Variants in MAML2 observed in about 807,000 individuals in gnomAD.
The protein encoded by MAML2 is mastermind like transcriptional coactivator 2, also known as mastermind-like protein 2.
A neutral mutation model predicts 96.1 loss-of-function variants in MAML2; 22 were observed. The observed-to-expected ratio is 0.23, with a 90% CI of 0.16 to 0.33. The LOEUF is 0.33. Ranked by LOEUF, MAML2 falls within the 10% of genes least tolerant of loss-of-function variation. MAML2 has a pLI of 1.00. For synonymous variants in MAML2, 561 were observed against 521.3 expected (o/e 1.08, Z -1.04); for missense variants, 1,367 against 1,392.4 (o/e 0.98, Z 0.29).
chr11:96,162,871 TA>T (rs1304944238), intron 1 of MAML2, among the ~76,000 whole-genome samples: 1 of 152,204 alleles, frequency 6.6e-6, no homozygotes, highest in Non-Finnish European at 1.5e-5. Context: ...ATAGTTTGAT[TA>T]AATGACCATC....
chr11:96,060,118 C>T (rs1242686444), intron 2 of MAML2, among the ~76,000 whole-genome samples: 3 of 152,142 alleles, frequency 2.0e-5, no homozygotes, highest in Non-Finnish European at 4.4e-5. Flanking sequence ...ATAAGAGCTT[C>T]ATGTGGTAGA....
chr11:96,039,087 C>A (rs1196961329), intron 2 of MAML2, among the ~76,000 whole-genome samples: 1 of 152,040 alleles, frequency 6.6e-6, no homozygotes, highest in Non-Finnish European at 1.5e-5. Context: ...CCTGTCTACA[C>A]AAAAATGTTT....
intron 1 of MAML2, among the ~76,000 whole-genome samples, chr11:96,182,984 A>G (rs1315788870): frequency 7.6e-6 from 1 of 131,804 alleles, no homozygotes; most frequent in East Asian, 2.2e-4. Flanking sequence ...TTTGAGACAG[A>G]GTCTTGCTCT....
intron 1 of MAML2, among the ~76,000 whole-genome samples, chr11:96,223,080 C>T (rs1326534249): frequency 2.0e-5 from 3 of 152,018 alleles, no homozygotes; most frequent in East Asian, 1.9e-4. Context: ...TTTAATATTA[C>T]ACTTCATTTT....
At chr11:96,331,679 G>A (rs1364790584) in intron 1 of MAML2, among the ~76,000 whole-genome samples, 1 of 151,734 alleles carries the variant, frequency 6.6e-6, no homozygotes, top group Non-Finnish European at 1.5e-5. Flanking sequence ...TTAGCCGGGC[G>A]TGGTGGTGGG....
intron 1 of MAML2, among the ~76,000 whole-genome samples, chr11:96,215,513 G>A (rs1330618727): frequency 2.6e-5 from 4 of 152,190 alleles, no homozygotes; most frequent in East Asian, 1.9e-4. Flanking sequence ...TTTCTCTGAC[G>A]AATACACATT....
At chr11:96,303,211 T>TCA (rs1863413820) in intron 1 of MAML2, among the ~76,000 whole-genome samples, 1 of 152,212 alleles carries the variant, frequency 6.6e-6, no homozygotes, top group Non-Finnish European at 1.5e-5. Context: ...AGCACATGAC[T>TCA]CACACATTCA....
At chr11:96,057,551 T>G (rs1859089247) in intron 2 of MAML2, among the ~76,000 whole-genome samples, 3 of 152,368 alleles carry the variant, frequency 2.0e-5, no homozygotes, top group Admixed American at 6.5e-5. Flanking sequence ...CTGAGTTTGC[T>G]CCTGAATAAT....
chr11:96,088,913 T>C (rs934779510), intron 2 of MAML2, among the ~76,000 whole-genome samples: 9 of 152,048 alleles, frequency 5.9e-5, no homozygotes, highest in Admixed American at 5.9e-4. Flanking sequence ...TGCATATCTA[T>C]GAGGTGAACT....
rs1230102112 is a variant in MAML2 at position 95,979,111 on chromosome 11, C to T, written c.3308G>A (p.Ser1103Asn). ...GAGGAAGTCAAAAGCTAAGTCACTG[C>T]TGTGGTCAGTTCCTTGAAAAGCCCT... ...SSRAFQGTDH[S>N]SDLAFDFLSQ... Residue 1103 changes from serine to asparagine, a missense_variant, in exon 5 of 5, where the codon AGC (serine) becomes AAC (asparagine). Coordinates refer to ENST00000524717, the MANE Select transcript of MAML2 (RefSeq NM_032427.4). 1.2e-6 allele frequency: 2 copies of T among 1,613,856 alleles called. No homozygotes were observed. Among genetic ancestry groups the T allele is most frequent in the Non-Finnish European group, 1.7e-6 (2 of 1,179,894 alleles).
At chr11:95,986,354 C>A (rs950814182) in intron 3 of MAML2, among the ~76,000 whole-genome samples, 1 of 151,892 alleles carries the variant, frequency 6.6e-6, no homozygotes, top group Non-Finnish European at 1.5e-5. Flanking sequence ...CCCGCCATCA[C>A]GCCCAGCAAA....
At chr11:96,278,857 C>G (rs1334425607) in intron 1 of MAML2, among the ~76,000 whole-genome samples, 1 of 152,044 alleles carries the variant, frequency 6.6e-6, no homozygotes, top group African/African-American at 2.4e-5. Flanking sequence ...AGGGATTTGC[C>G]TAGAGGTAGG....
chr11:96,026,669 T>A (rs1429126414), intron 2 of MAML2, among the ~76,000 whole-genome samples: 1 of 152,026 alleles, frequency 6.6e-6, no homozygotes, highest in Non-Finnish European at 1.5e-5. Flanking sequence ...GCTCAGCACA[T>A]ATGACTAAAA....
intron 1 of MAML2, among the ~76,000 whole-genome samples, chr11:96,182,595 T>C (rs1213253296): frequency 6.6e-6 from 1 of 152,228 alleles, no homozygotes; most frequent in Admixed American, 6.5e-5. Context: ...GCTAGTGTTT[T>C]CATTAACAAT....
At chr11:96,016,365 A>G (rs1468272199) in intron 2 of MAML2, among the ~76,000 whole-genome samples, 14 of 152,120 alleles carry the variant, frequency 9.2e-5, no homozygotes, top group Admixed American at 8.5e-4. Context: ...GAGATCAAAG[A>G]GTCATTCTGC....
intron 1 of MAML2, among the ~76,000 whole-genome samples, chr11:96,216,931 G>C (rs1379530253): frequency 1.3e-5 from 2 of 152,134 alleles, no homozygotes; most frequent in African/African-American, 4.8e-5. Context: ...ATTCCACCAG[G>C]GGCAGGAGGA....
chr11:96,119,926 T>C (rs1565220721), intron 1 of MAML2, among the ~76,000 whole-genome samples: 1 of 151,994 alleles, frequency 6.6e-6, no homozygotes, highest in Non-Finnish European at 1.5e-5. Flanking sequence ...ACAATAGTAG[T>C]CTGACAAATA....
At chr11:96,235,421 A>G (rs907685723) in intron 1 of MAML2, among the ~76,000 whole-genome samples, 1 of 152,348 alleles carries the variant, frequency 6.6e-6, no homozygotes, top group South Asian at 2.1e-4. Context: ...CTGGCTCTTA[A>G]TAGAACAAGT....
intron 1 of MAML2, among the ~76,000 whole-genome samples, chr11:96,240,476 G>A (rs1327025885): frequency 2.0e-5 from 3 of 147,956 alleles, no homozygotes; most frequent in Admixed American, 1.4e-4. Flanking sequence ...CGTGAACCCC[G>A]GGAGGCAGAG....
Sources: allele counts gnomAD v4.1 joint callset (sites outside exome capture counted in the v4.1 genomes callset), GRCh38; gene constraint gnomAD v4.1.1; transcripts MANE v1.5; gene names NCBI Gene and HGNC (gene_info 2026-07-23, HGNC 2026-07-21).